Variants in DDX42 observed in about 807,000 individuals in gnomAD.
DDX42 encodes DEAD-box helicase 42.
Under a neutral mutation model 101.5 loss-of-function variants are expected in DDX42, and 22 were observed. The observed-to-expected ratio is 0.22, with a 90% CI of 0.15 to 0.31. The LOEUF is 0.31. DDX42 is among the 10% of genes least tolerant of loss of function. The pLI is 1.00. For missense variants in DDX42, 849 were observed against 1,199.9 expected, an observed-to-expected ratio of 0.71 and a Z score of 4.32; for synonymous variants, 402 against 401.2, an observed-to-expected ratio of 1.00 and a Z score of -0.02.
chr17:63,816,792 CATA>C, intron 16 of DDX42, 73 bp from the exon 17 acceptor site: 1 of 1,152,502 alleles, frequency 8.7e-7, no homozygotes, highest in Non-Finnish European at 1.2e-6. Flanking sequence ...CAAGGGTTTT[CATA>C]ATGAGGCCTA....
At chr17:63,781,704 A>T (rs1052538414) in intron 1 of DDX42, among the ~76,000 whole-genome samples, 1 of 151,012 alleles carries the variant, frequency 6.6e-6, no homozygotes, top group African/African-American at 2.4e-5. Context: ...CTAAATAGTG[A>T]TATATGTTAA....
At chr17:63,801,317 A>G (rs2039766660) in intron 6 of DDX42, among the ~76,000 whole-genome samples, 1 of 151,848 alleles carries the variant, frequency 6.6e-6, no homozygotes, top group African/African-American at 2.4e-5. Flanking sequence ...GGCCTCCCAA[A>G]GCGCTGGGAT....
At chr17:63,789,772 C>T (rs556536514) in intron 2 of DDX42, among the ~76,000 whole-genome samples, 31 of 150,752 alleles carry the variant, frequency 2.1e-4, no homozygotes, top group African/African-American at 6.8e-4. Context: ...AGGGATTCTC[C>T]GTGTTGGCCA....
intron 1 of DDX42, among the ~76,000 whole-genome samples, chr17:63,780,193 G>T (rs564121919): frequency 4.1e-4 from 62 of 152,280 alleles, no homozygotes; most frequent in African/African-American, 1.5e-3. Flanking sequence ...CTACTTGGGA[G>T]GCTGAGGCAG....
In DDX42 at chr17:63,798,204, G is replaced by T. The variant is rs1017958519; in HGVS notation, c.434+105G>T. On this transcript the variant is annotated intron_variant, in intron 4 of 17. Transcript: ENST00000389924. ...AGAGAAAAAATATTGACGTACACTTGTGTACTTTACTTGAAGTTATTCCTG... is the reference window on the plus strand; with the variant it reads ...AGAGAAAAAATATTGACGTACACTTTTGTACTTTACTTGAAGTTATTCCTG... The T allele has an allele frequency of 5.3e-5, 52 of 985,542 alleles. No individual in the cohort carries two copies. In the African/African-American group the frequency reaches 7.5e-4, roughly 14 times the overall value. The allele number at this position is 985,542 out of a possible 1,614,324, so 61.0% of individuals were successfully genotyped here.
intron 15 of DDX42, among the ~76,000 whole-genome samples, chr17:63,814,632 A>T (rs1350447021): frequency 7.3e-6 from 1 of 137,336 alleles, no homozygotes. Context: ...TGCTGGTAAT[A>T]TGTGATTGTC....
chr17:63,803,969 T>C (rs190749263), intron 6 of DDX42, among the ~76,000 whole-genome samples: 305 of 152,278 alleles, frequency 2.0e-3, no homozygotes, highest in African/African-American at 6.9e-3. Flanking sequence ...GAATTTCTTA[T>C]AGGCTTAAAT....
chr17:63,774,207 TGGCGGTGGTGGCGGTGGCGGCGGC>T lies in DDX42; in HGVS notation c.-183_-160del, dbSNP rs2144508936. On this transcript the variant is annotated 5_prime_UTR_variant, in exon 1 of 18. Transcript: ENST00000389924. ...CCTTCAGCAACGGGCCGTGAGGCGG[TGGCGGTGGTGGCGGTGGCGGCGGC>T]GGTGGTGGTGGTGGCGGCGGCGGCG... 1 of 244,874 alleles carries T rather than the reference TGGCGGTGGTGGCGGTGGCGGCGGC, an allele frequency of 4.1e-6. No individual in the cohort carries two copies. The highest frequency in any genetic ancestry group is 9.6e-5 in the South Asian group (1 of 10,432). The allele number at this position is 244,874 out of a possible 1,614,324, so 15.2% of individuals were successfully genotyped here.
rs201646387 is a variant in DDX42, at chr17:63,800,536, T to C, written c.540T>C (p.Asn180=). 416 of 1,614,030 alleles carry C rather than the reference T, an allele frequency of 2.6e-4. 3 individuals are homozygous for C. The highest frequency in any genetic ancestry group is 1.6e-3 in the South Asian group (148 of 91,074). ...AGVVQEEEED[N]LEYDSDGNPI... is the part of the protein sequence containing the mutation. Reference sequence around the variant, plus strand: ...TGGTTCAGGAGGAAGAGGAAGACAATCTAGAATATGATAGTGACGGAAATC... The same window carrying C: ...TGGTTCAGGAGGAAGAGGAAGACAACCTAGAATATGATAGTGACGGAAATC... The change falls in exon 6 of 18, where the codon AAT becomes AAC. Residue 180 remains asparagine, a synonymous_variant. Coordinates refer to ENST00000389924, the MANE Select transcript of DDX42 (RefSeq NM_203499.3).
Position 63,816,932 on chromosome 17 carries a change from G to T in DDX42, c.2078G>T (p.Gly693Val). The change falls in exon 17 of 18, where the codon GGA (glycine) becomes GTA (valine). Residue 693 changes from glycine (G) to valine (V), a missense_variant. Coordinates refer to ENST00000389924, the MANE Select transcript of DDX42 (RefSeq NM_203499.3). ...TACAAGCCTTCCACAGGAGCTATGG[G>T]AGATCGACTAACGGCAATGAAAGCA... ...EAYKPSTGAM[G>V]DRLTAMKAAF... The T allele has an allele frequency of 1.9e-6, 3 of 1,614,022 alleles. No homozygotes were observed. The highest frequency in any genetic ancestry group is 2.5e-6 in the Non-Finnish European group (3 of 1,179,978).
At chr17:63,779,208 A>G (rs2039457384) in intron 1 of DDX42, among the ~76,000 whole-genome samples, 1 of 152,164 alleles carries the variant, frequency 6.6e-6, no homozygotes, top group African/African-American at 2.4e-5. Flanking sequence ...AATCTTTTTT[A>G]AGAGAAAAAA....
chr17:63,816,754 G>C (rs922912159), intron 16 of DDX42, 114 bp from the exon 17 acceptor site: 10 of 641,690 alleles, frequency 1.6e-5, no homozygotes, highest in Non-Finnish European at 2.4e-5. Context: ...CTTTCTAAAA[G>C]TATCCAGTTC....
At position 63,789,546 on chromosome 17, in the gene DDX42, C is replaced by CGTT. The variant is rs138224520; in HGVS notation, c.221+2276_221+2277insGTT. 3.0e-4 allele frequency among the ~76,000 whole-genome samples: 36 copies of CGTT among 121,838 alleles called. 8 individuals are homozygous for CGTT. Among genetic ancestry groups the CGTT allele is most frequent in the African/African-American group, 9.9e-4 (29 of 29,356 alleles). The allele number at this position is 121,838 out of a possible 152,430, so 79.9% of individuals were successfully genotyped here. ...ATTGGAAAAAAAAGCTTCTAAAAGA[C>CGTT]TTTTTTGTTTTTGTTTTTGTTTTTG... On this transcript the variant is annotated intron_variant, in intron 2 of 17. Transcript: ENST00000389924.
chr17:63,811,059 T>C lies in DDX42; in HGVS notation c.1301-17T>C. On this transcript the variant is annotated splice_polypyrimidine_tract_variant and intron_variant, in intron 12 of 17. Coordinates refer to ENST00000389924, the MANE Select transcript of DDX42 (RefSeq NM_203499.3). ...ATATCATATTGTTTCTCTAACAGAA[T>C]TTATCTTACCTTTTAGCTCTCTTAT... 1 of 1,607,388 alleles carries C rather than the reference T, an allele frequency of 6.2e-7. No individual in the cohort carries two copies. The highest frequency in any genetic ancestry group is 8.5e-7 in the Non-Finnish European group (1 of 1,174,770).
chr17:63,777,611 C>G (rs1030214186), intron 1 of DDX42, among the ~76,000 whole-genome samples: 1 of 152,018 alleles, frequency 6.6e-6, no homozygotes, highest in Non-Finnish European at 1.5e-5. Context: ...CCACGCCTGG[C>G]TAATTTTTTT....
At chr17:63,812,799 C>T (rs1274870747) in intron 14 of DDX42, among the ~76,000 whole-genome samples, 8 of 152,036 alleles carry the variant, frequency 5.3e-5, no homozygotes, top group Non-Finnish European at 7.4e-5. Context: ...TGGAGGCGGG[C>T]GGATCACCTG....
chr17:63,792,730 T>G (rs1339884219), intron 3 of DDX42, among the ~76,000 whole-genome samples, 168 bp downstream of exon 3: 2 of 152,106 alleles, frequency 1.3e-5, no homozygotes, highest in African/African-American at 2.4e-5. Flanking sequence ...CCACTTGCCC[T>G]GTAGTACTTT....
chr17:63,784,087 A>G (rs1353469794), intron 1 of DDX42, among the ~76,000 whole-genome samples: 1 of 152,048 alleles, frequency 6.6e-6, no homozygotes, highest in African/African-American at 2.4e-5. Flanking sequence ...CAGACAAACA[A>G]AAACCTTAAA....
intron 9 of DDX42, 37 bp from the exon 10 acceptor site, chr17:63,808,783 G>A (rs769636365): frequency 7.5e-6 from 12 of 1,609,486 alleles, no homozygotes; most frequent in Non-Finnish European, 1.0e-5. Flanking sequence ...ATTTGTTAGT[G>A]TCACAGTTTG....
Sources: allele counts gnomAD v4.1 joint callset (sites outside exome capture counted in the v4.1 genomes callset), GRCh38; gene constraint gnomAD v4.1.1; transcripts MANE v1.5; gene names NCBI Gene and HGNC (gene_info 2026-07-23, HGNC 2026-07-21).